ENOX1: variants seen among roughly 807,000 people sequenced by gnomAD.
The protein encoded by ENOX1 is candidate growth-related and time keeping constitutive hydroquinone (NADH) oxidase.
A neutral mutation model predicts 82.5 loss-of-function variants in ENOX1; 42 were observed. That is an observed-to-expected ratio of 0.51 (90% CI 0.40 to 0.66). ENOX1 has a LOEUF of 0.66. ENOX1 is among the 30% of genes least tolerant of loss of function. ENOX1 has a pLI of 0.00. For synonymous variants in ENOX1, 271 were observed against 282.2 expected, an observed-to-expected ratio of 0.96 and a Z score of 0.40; for missense variants, 608 against 811.6, an observed-to-expected ratio of 0.75 and a Z score of 3.05.
chr13:43,483,082 A>C (rs1204944712), intron 3 of ENOX1, among the ~76,000 whole-genome samples: 1 of 152,236 alleles, frequency 6.6e-6, no homozygotes, highest in Admixed American at 6.5e-5. Context: ...GTAAAGGGCT[A>C]CTAAGAGAGA....
intron 7 of ENOX1, 31 bp downstream of exon 7, chr13:43,359,820 C>A: frequency 6.3e-7 from 1 of 1,587,300 alleles, no homozygotes; most frequent in Non-Finnish European, 8.6e-7. Flanking sequence ...TAACAAAATG[C>A]CTAGAAAACT....
intron 9 of ENOX1, among the ~76,000 whole-genome samples, chr13:43,327,946 C>G (rs1340091380): frequency 6.6e-6 from 1 of 152,142 alleles, no homozygotes; most frequent in Non-Finnish European, 1.5e-5. Context: ...TTACTATTTT[C>G]CACTTCAGGA....
At chr13:43,296,862 G>A (rs1450357393) in intron 12 of ENOX1, among the ~76,000 whole-genome samples, 1 of 152,180 alleles carries the variant, frequency 6.6e-6, no homozygotes, top group Non-Finnish European at 1.5e-5. Context: ...TGACATAGTG[G>A]CTTTTGGGCT....
intron 2 of ENOX1, chr13:43,544,814 GA>G (rs1205895612): frequency 6.6e-6 from 1 of 152,020 alleles, no homozygotes; most frequent in Non-Finnish European, 1.5e-5. Context: ...GCCAATAATT[GA>G]AAGCATCTGC....
At chr13:43,233,825 C>G (rs2153457540) in intron 15 of ENOX1, among the ~76,000 whole-genome samples, 1 of 152,292 alleles carries the variant, frequency 6.6e-6, no homozygotes, top group Middle Eastern at 3.4e-3. Context: ...CTGCTGTGTC[C>G]TTGGCCTTCT....
At chr13:43,563,170 T>C (rs2079761287) in intron 2 of ENOX1, among the ~76,000 whole-genome samples, 1 of 151,960 alleles carries the variant, frequency 6.6e-6, no homozygotes, top group Non-Finnish European at 1.5e-5. Context: ...TTAAAAAAAA[T>C]AAAATCACAT....
chr13:43,681,925 C>A (rs2085806756), intron 1 of ENOX1, among the ~76,000 whole-genome samples: 1 of 152,210 alleles, frequency 6.6e-6, no homozygotes, highest in East Asian at 1.9e-4. Flanking sequence ...CCATTGTACT[C>A]CATAAGTTTT....
intron 1 of ENOX1, among the ~76,000 whole-genome samples, chr13:43,715,050 G>A (rs1290961399): frequency 3.9e-5 from 6 of 152,024 alleles, no homozygotes; most frequent in Admixed American, 6.6e-5. Context: ...GGCTGGTACC[G>A]GTTGTTCCTT....
At chr13:43,653,578 G>A (rs568335749) in intron 2 of ENOX1, among the ~76,000 whole-genome samples, 1 of 151,652 alleles carries the variant, frequency 6.6e-6, no homozygotes, top group Non-Finnish European at 1.5e-5. Flanking sequence ...AACCAAAAGA[G>A]CATAACATTA....
intron 14 of ENOX1, among the ~76,000 whole-genome samples, chr13:43,237,451 A>G (rs2042603696): frequency 6.6e-6 from 1 of 152,210 alleles, no homozygotes; most frequent in South Asian, 2.1e-4. Flanking sequence ...TGGAAAGTCA[A>G]ATTAATGATC....
chr13:43,504,842 C>A (rs2077097694), intron 2 of ENOX1, among the ~76,000 whole-genome samples: 1 of 151,398 alleles, frequency 6.6e-6, no homozygotes, highest in Non-Finnish European at 1.5e-5. Context: ...TAATATGAAA[C>A]TTTTGGAGGT....
chr13:43,702,953 C>CAAAAAAAAAAAAAAAAAAAAAAAAAAA (rs60810191), intron 1 of ENOX1, among the ~76,000 whole-genome samples: 1 of 51,010 alleles, frequency 2.0e-5, no homozygotes, highest in Non-Finnish European at 3.3e-5. Flanking sequence ...GACTCTGTCT[C>CAAAAAAAAAAAAAAAAAAAAAAAAAAA]AAAAAAAAAA....
chr13:43,380,458 T>C (rs1271673881), intron 5 of ENOX1, among the ~76,000 whole-genome samples: 1 of 151,546 alleles, frequency 6.6e-6, no homozygotes, highest in Non-Finnish European at 1.5e-5. Context: ...ATTGAAATCA[T>C]AAAGATACTA....
rs553504525 is a variant in ENOX1, at chr13:43,541,173, G to GTTTTTTTTTTTTTTTTTTTTTTTTTTTTT, written c.-218-57022_-218-57021insAAAAAAAAAAAAAAAAAAAAAAAAAAAAA. 3.1e-4 allele frequency among the ~76,000 whole-genome samples: 20 copies of GTTTTTTTTTTTTTTTTTTTTTTTTTTTTT among 64,580 alleles called. 4 individuals are homozygous for GTTTTTTTTTTTTTTTTTTTTTTTTTTTTT. The highest frequency in any genetic ancestry group is 1.0e-3 in the East Asian group (2 of 1,910). The allele number at this position is 64,580 out of a possible 152,430, so 42.4% of individuals were successfully genotyped here. A position where few individuals can be genotyped will look rare whatever the true frequency, so the allele number is the denominator to read the frequency against. ...CTCCAACCTTACACTTCTTCCCTCTGTTTTTTTTTTTTTTTTTTTTTTTTT... is the reference window on the plus strand; with the variant it reads ...CTCCAACCTTACACTTCTTCCCTCTGTTTTTTTTTTTTTTTTTTTTTTTTTTTTTTTTTTTTTTTTTTTTTTTTTTTTTT... On this transcript the variant is annotated intron_variant, in intron 2 of 16. Coordinates refer to ENST00000690772, the MANE Select transcript of ENOX1 (RefSeq NM_001347969.2).
At position 43,487,127 on chromosome 13, in the gene ENOX1, G is replaced by A. The variant is rs980291136; in HGVS notation, c.-218-2975C>T. Among the ~76,000 whole-genome samples the A allele has an allele frequency of 5.3e-5, 8 of 151,624 alleles. No homozygotes were observed. The South Asian group carries it at 6.3e-4, about 12-fold the overall frequency. Reference sequence around the variant, plus strand: ...GTGGAAGTTGCAGTGGGCTGAGATCGTGCCACTGCACTCCAGCCTGGGTGA... The same window carrying A: ...GTGGAAGTTGCAGTGGGCTGAGATCATGCCACTGCACTCCAGCCTGGGTGA... On this transcript the variant is annotated intron_variant, in intron 2 of 16. Transcript: ENST00000690772.
chr13:43,480,605 A>AATT (rs2058470707), intron 3 of ENOX1, among the ~76,000 whole-genome samples: 1 of 152,228 alleles, frequency 6.6e-6, no homozygotes, highest in South Asian at 2.1e-4. Context: ...TGAGCTCAGA[A>AATT]ATTACATTGG....
chr13:43,607,892 G>A (rs184741756), intron 2 of ENOX1, among the ~76,000 whole-genome samples: 1 of 152,306 alleles, frequency 6.6e-6, no homozygotes, highest in East Asian at 1.9e-4. Flanking sequence ...TGAAATGTCT[G>A]TGGTCTTTGT....
At position 43,529,976 on chromosome 13, in the gene ENOX1, C is replaced by T. The variant is rs1016544020; in HGVS notation, c.-218-45824G>A. Among the ~76,000 whole-genome samples the T allele has an allele frequency of 5.3e-5, 8 of 152,062 alleles. 1 individual carries two copies. In the East Asian group the frequency reaches 1.5e-3, roughly 29 times the overall value. ...AATCCAGGTAGTCTGAGTTTAAATG[C>T]CAAGAATGCCTCTGACTCAAGATCC... On this transcript the variant is annotated intron_variant, in intron 2 of 16. Transcript: ENST00000690772.
At chr13:43,396,138 C>T (rs2053133273) in intron 5 of ENOX1, among the ~76,000 whole-genome samples, 1 of 152,176 alleles carries the variant, frequency 6.6e-6, no homozygotes, top group Non-Finnish European at 1.5e-5. Flanking sequence ...TCGTGTTTAT[C>T]CTCTGGTACT....
Sources: gnomAD v4.1 joint callset for allele counts (sites outside exome capture counted in the v4.1 genomes callset) on GRCh38, gnomAD v4.1.1 for gene constraint, MANE v1.5 for transcripts, NCBI Gene and HGNC (gene_info 2026-07-23, HGNC 2026-07-21) for gene names.